The following DIP2C variants were observed in gnomAD, a reference collection of about 807,000 sequenced individuals.
DIP2C encodes DIP2 acetate--CoA ligase C (putative).
DIP2C carries 33 observed loss-of-function variants against 192.4 expected under a neutral mutation model. The ratio of observed to expected loss-of-function variants is 0.17; its 90% CI spans 0.13 to 0.23. DIP2C has a LOEUF of 0.23. DIP2C is among the 10% of genes least tolerant of loss of function. DIP2C has a pLI of 1.00. For synonymous variants in DIP2C, 979 were observed against 864.1 expected (o/e 1.13, Z -2.33); for missense variants, 1,537 against 2,110.1 (o/e 0.73, Z 5.32).
chr10:340,953 A>G (rs1246293157), intron 29 of DIP2C: 1 of 604,130 alleles, frequency 1.7e-6, no homozygotes, highest in South Asian at 1.5e-5. Flanking sequence ...TCAGAAATAA[A>G]GGTCCGCAAC....
chr10:606,577 GC>G (rs1378103291), intron 1 of DIP2C, among the ~76,000 whole-genome samples: 2 of 147,744 alleles, frequency 1.4e-5, no homozygotes, highest in South Asian at 2.2e-4. Flanking sequence ...GGGATCTCTC[GC>G]CCCGCTGCCG....
At chr10:567,631 G>T (rs1018719369) in intron 1 of DIP2C, among the ~76,000 whole-genome samples, 2 of 152,200 alleles carry the variant, frequency 1.3e-5, no homozygotes, top group African/African-American at 4.8e-5. Context: ...CAGTCAGCAT[G>T]ACATAGAAAA....
In DIP2C at chr10:327,339, G is replaced by A. The variant is rs183336091; in HGVS notation, c.3754-163C>T. 1.6e-3 allele frequency among the ~76,000 whole-genome samples: 249 copies of A among 152,314 alleles called. 1 individual carries two copies. The highest frequency in any genetic ancestry group is 2.6e-3 in the Non-Finnish European group (177 of 68,024). On this transcript the variant is annotated intron_variant, in intron 30 of 36. Transcript: ENST00000280886. The stretch of plus-strand genomic sequence containing the variant: ...ACTTCTTCAATATAACAAACCAGGA[G>A]TTGGTGAAAAAACATTCACACAACT...
chr10:476,409 C>T (rs191863990), intron 2 of DIP2C, among the ~76,000 whole-genome samples: 83 of 152,350 alleles, frequency 5.4e-4, no homozygotes, highest in African/African-American at 2.0e-3. Flanking sequence ...TTCCTAGGCT[C>T]AGCCTCCTGC....
At chr10:413,879 T>TGG (rs1564678331) in intron 8 of DIP2C, 34 bp downstream of exon 8, 1 of 1,595,058 alleles carries the variant, frequency 6.3e-7, no homozygotes, top group South Asian at 1.1e-5. Context: ...TGCGAGGGGG[T>TGG]GGGCAAAGGG....
chr10:489,479 C>T (rs554753418), intron 1 of DIP2C, among the ~76,000 whole-genome samples: 2 of 152,350 alleles, frequency 1.3e-5, no homozygotes, highest in African/African-American at 4.8e-5. Flanking sequence ...TACACAGTAT[C>T]CTCCCTGAAC....
chr10:362,287 CAGAGAATAAA>C (rs1959635005), intron 22 of DIP2C, among the ~76,000 whole-genome samples, 193 bp downstream of exon 22: 1 of 152,154 alleles, frequency 6.6e-6, no homozygotes, highest in Non-Finnish European at 1.5e-5. Context: ...CCTGAGCCTA[CAGAGAATAAA>C]AGCAAGGCAT....
chr10:311,752 A>G (rs1956576657), intron 31 of DIP2C, among the ~76,000 whole-genome samples: 1 of 152,212 alleles, frequency 6.6e-6, no homozygotes. Context: ...AACAACATCA[A>G]ATATGGAAAT....
chr10:399,225 G>A lies in DIP2C; in HGVS notation c.1150-6C>T, dbSNP rs1306554653. 9 of 1,613,496 alleles carry A rather than the reference G, an allele frequency of 5.6e-6. No individual in the cohort carries two copies. Among genetic ancestry groups the A allele is most frequent in the Non-Finnish European group, 7.6e-6 (9 of 1,179,556 alleles). On this transcript the variant is annotated splice_region_variant and splice_polypyrimidine_tract_variant and intron_variant, in intron 9 of 36. Coordinates refer to ENST00000280886, the MANE Select transcript of DIP2C (RefSeq NM_014974.3). The stretch of plus-strand genomic sequence containing the variant: ...TTGGGGAACACCAGTGCCACCTGTG[G>A]GACAGGCCAGAGCGGGTCAGCATTA...
chr10:300,203 T>C (rs1476672971), intron 32 of DIP2C, among the ~76,000 whole-genome samples: 4 of 152,182 alleles, frequency 2.6e-5, no homozygotes, highest in African/African-American at 9.7e-5. Context: ...ACAGTATCTA[T>C]AAACCCATGT....
At chr10:516,257 T>C (rs747951636) in intron 1 of DIP2C, among the ~76,000 whole-genome samples, 13 of 113,942 alleles carry the variant, frequency 1.1e-4, no homozygotes, top group Non-Finnish European at 1.9e-4. Flanking sequence ...TTATAACCTG[T>C]TGTTGACCTG....
chr10:544,161 T>C (rs539351993), intron 1 of DIP2C, among the ~76,000 whole-genome samples: 33 of 151,304 alleles, frequency 2.2e-4, no homozygotes, highest in African/African-American at 8.1e-4. Flanking sequence ...GGTGTGACCT[T>C]TGGTGCCGGC....
intron 8 of DIP2C, among the ~76,000 whole-genome samples, chr10:413,409 A>G (rs1422702075): frequency 2.0e-5 from 3 of 152,366 alleles, no homozygotes; most frequent in African/African-American, 7.2e-5. Context: ...CTAACTACCA[A>G]TCTTTGCTGA....
At chr10:445,626 GAGTC>G (rs879307849) in intron 3 of DIP2C, among the ~76,000 whole-genome samples, 23,591 of 150,564 alleles carry the variant, frequency 0.16, 4,910 homozygotes, top group African/African-American at 0.48. Flanking sequence ...CTGTTGCGAA[GAGTC>G]TATCTTGCAC....
chr10:597,847 A>C (rs758539607), intron 1 of DIP2C, among the ~76,000 whole-genome samples: 8 of 152,184 alleles, frequency 5.3e-5, no homozygotes, highest in Non-Finnish European at 1.0e-4. Flanking sequence ...AGGGGTCCTG[A>C]GTCCTTTCCT....
chr10:609,054 A>G (rs542983651), intron 1 of DIP2C, among the ~76,000 whole-genome samples: 2 of 152,232 alleles, frequency 1.3e-5, no homozygotes, highest in East Asian at 3.9e-4. Flanking sequence ...ATAGTCATAT[A>G]AACAAAAGGA....
chr10:579,238 C>CA (rs1850404411), intron 1 of DIP2C, among the ~76,000 whole-genome samples: 1 of 151,948 alleles, frequency 6.6e-6, no homozygotes, highest in Admixed American at 6.5e-5. Context: ...AGTGTACGTA[C>CA]ATAGGTACAC....
intron 1 of DIP2C, among the ~76,000 whole-genome samples, chr10:604,496 AAAGT>A (rs1246986793): frequency 2.0e-5 from 3 of 152,240 alleles, no homozygotes; most frequent in Non-Finnish European, 2.9e-5. Context: ...AAGCAACCAG[AAAGT>A]AAGTACAGTG....
intron 1 of DIP2C, among the ~76,000 whole-genome samples, chr10:601,418 G>C (rs1341834898): frequency 1.3e-5 from 2 of 152,170 alleles, no homozygotes; most frequent in African/African-American, 4.8e-5. Context: ...GTAATCTTAC[G>C]GAGAAACTGC....
Sources: allele counts gnomAD v4.1 joint callset (sites outside exome capture counted in the v4.1 genomes callset), GRCh38; gene constraint gnomAD v4.1.1; transcripts MANE v1.5; gene names NCBI Gene and HGNC (gene_info 2026-07-23, HGNC 2026-07-21).